The following C5 variants were observed in gnomAD, a reference collection of about 807,000 sequenced individuals.
C5 encodes the protein C3 and PZP-like alpha-2-macroglobulin domain-containing protein 4.
A neutral mutation model predicts 218.8 loss-of-function variants in C5; 140 were observed. The ratio of observed to expected loss-of-function variants is 0.64; its 90% CI spans 0.56 to 0.74. C5 has a LOEUF of 0.74. Ranked by LOEUF, C5 falls within the 30% of genes least tolerant of loss-of-function variation. The pLI is 0.00. For missense variants in C5, 1,700 were observed against 1,969.6 expected, an observed-to-expected ratio of 0.86 and a Z score of 2.59; for synonymous variants, 614 against 682.3, an observed-to-expected ratio of 0.90 and a Z score of 1.56.
chr9:121,066,613 G>A, the C5 span, among the ~76,000 whole-genome samples: 3 of 151,882 alleles, frequency 2.0e-5, no homozygotes, highest in Admixed American at 2.0e-4. Context: ...GGGAGGCTGA[G>A]GTGGACAGAT....
At chr9:120,964,645 T>G (rs1468878822) in intron 33 of C5, among the ~76,000 whole-genome samples, 1 of 152,210 alleles carries the variant, frequency 6.6e-6, no homozygotes, top group Non-Finnish European at 1.5e-5. Flanking sequence ...ATTCTGCTAG[T>G]AGGAATTTAA....
At chr9:121,008,624 T>A in intron 17 of C5, 126 bp from the exon 18 acceptor site, 2 of 742,494 alleles carry the variant, frequency 2.7e-6, no homozygotes, top group Non-Finnish European at 4.6e-6. Context: ...ACATTTTGTT[T>A]AATGCTTCCA....
intron 25 of C5, among the ~76,000 whole-genome samples, chr9:120,983,554 G>T (rs1445978266): frequency 6.6e-6 from 1 of 152,070 alleles, no homozygotes; most frequent in Non-Finnish European, 1.5e-5. Flanking sequence ...TTTTTTAAAT[G>T]TATTTTAAGC....
At chr9:121,030,373 C>T in intron 7 of C5, 24 bp downstream of exon 7, 2 of 1,249,208 alleles carry the variant, frequency 1.6e-6, no homozygotes, top group Middle Eastern at 2.0e-4. Context: ...AAAATAAAAA[C>T]AACAAAAAAA....
chr9:121,006,858 T>C (rs1356351732), intron 19 of C5, 46 bp downstream of exon 19: 9 of 1,226,174 alleles, frequency 7.3e-6, no homozygotes, highest in Admixed American at 1.7e-5. Flanking sequence ...TACATCTTGC[T>C]AATCAAATCA....
chr9:121,011,534 T>C (rs563361983), intron 17 of C5, among the ~76,000 whole-genome samples: 17 of 87,680 alleles, frequency 1.9e-4, no homozygotes, highest in Non-Finnish European at 2.7e-4. Context: ...GTGGGGAATG[T>C]AAATTACTAT....
Position 120,967,550 on chromosome 9 carries a change from A to G in C5, c.4220+1511T>C, listed in dbSNP as rs2046877881. ...ATCCACAGATATCACTGTTATTGACAATACAAGAGTTAAGAAAATAGAACA... is the reference window on the plus strand; with the variant it reads ...ATCCACAGATATCACTGTTATTGACGATACAAGAGTTAAGAAAATAGAACA... On this transcript the variant is annotated intron_variant, in intron 33 of 40. Transcript: ENST00000223642. Among the ~76,000 whole-genome samples, 3 of 152,196 alleles carry G rather than the reference A, an allele frequency of 2.0e-5. No homozygotes were observed. The South Asian group carries it at 6.2e-4, about 32-fold the overall frequency.
rs2047074265 is a variant in C5, at chr9:120,991,177, A to G, written c.2941+14T>C. On this transcript the variant is annotated intron_variant, in intron 23 of 40. Coordinates refer to ENST00000223642, the MANE Select transcript of C5 (RefSeq NM_001735.3). ...AAGTGAAATGAGAAATAAAAATGGC[A>G]TTTGTTAATTTACCTTTTACACTCA... 1 of 1,427,032 alleles carries G rather than the reference A, an allele frequency of 7.0e-7. No homozygotes were observed. The highest frequency in any genetic ancestry group is 9.9e-7 in the Non-Finnish European group (1 of 1,009,838). The allele number at this position is 1,427,032 out of a possible 1,614,324, so 88.4% of individuals were successfully genotyped here. A position where few individuals can be genotyped will look rare whatever the true frequency, so the allele number is the denominator to read the frequency against.
upstream of C5, among the ~76,000 whole-genome samples, chr9:121,050,715 C>CT (rs1274144232): frequency 6.6e-6 from 1 of 152,106 alleles, no homozygotes; most frequent in Non-Finnish European, 1.5e-5. Flanking sequence ...ACAAGATGAT[C>CT]TTTTTTTGGT....
chr9:121,015,384 G>A (rs2047298825), intron 15 of C5, 123 bp from the exon 16 acceptor site: 3 of 670,354 alleles, frequency 4.5e-6, no homozygotes. Flanking sequence ...CAAATATTGA[G>A]GGGCTGCTTT....
chr9:121,012,218 G>A (rs551370101), intron 17 of C5, among the ~76,000 whole-genome samples: 9 of 151,506 alleles, frequency 5.9e-5, no homozygotes, highest in South Asian at 2.1e-4. Context: ...AAAGTATCTC[G>A]TGTACCCCGT....
chr9:120,997,443 C>T, intron 21 of C5, 104 bp downstream of exon 21: 1 of 904,032 alleles, frequency 1.1e-6, no homozygotes, highest in East Asian at 2.6e-5. Flanking sequence ...TTCCTTAATG[C>T]TTAATGTTTC....
chr9:120,977,752 A>G (rs1340666129), intron 28 of C5, among the ~76,000 whole-genome samples: 1 of 152,218 alleles, frequency 6.6e-6, no homozygotes. Context: ...CATAGTACAC[A>G]TGTACTAGGA....
At chr9:121,018,646 G>GGAAAGAGAGAAAGAAAA (rs2047331945) in intron 12 of C5, among the ~76,000 whole-genome samples, 1 of 73,490 alleles carries the variant, frequency 1.4e-5, no homozygotes, top group Non-Finnish European at 2.6e-5. Flanking sequence ...AGGGAGGGAG[G>GGAAAGAGAGAAAGAAAA]GAAAGAAAGA....
intron 26 of C5, 112 bp from the exon 27 acceptor site, chr9:120,982,051 A>ACCCAAG: frequency 2.6e-6 from 2 of 763,502 alleles, no homozygotes; most frequent in Non-Finnish European, 4.6e-6. Flanking sequence ...TCACTCTGTC[A>ACCCAAG]CCCAAGCTGG....
At position 121,017,727 on chromosome 9, in the gene C5, G is replaced by C; in HGVS notation, c.1632C>G (p.Tyr544Ter). The C allele has an allele frequency of 6.2e-7, 1 of 1,612,652 alleles. No individual in the cohort carries two copies. Residue 544 changes from tyrosine to a stop codon, truncating the protein, a stop_gained, in exon 13 of 41, where the codon TAC becomes TAG. Transcript: ENST00000223642. LOFTEE classifies it high-confidence loss of function. Reference protein sequence around the residue: ...MVPSSRLLVYYIVTGEQTAEL... With the variant: ...MVPSSRLLVY ...CTGCTGTCTGTTCTCCTGTGACGAT[G>C]TAATAGACCAGAAGTCGGGATGAAG...
intron 33 of C5, among the ~76,000 whole-genome samples, chr9:120,967,259 C>CA (rs755173508): frequency 0.13 from 9,506 of 73,796 alleles, 1,086 homozygotes; most frequent in African/African-American, 0.3. Flanking sequence ...AACTCCATCT[C>CA]AAAAAAAAAA....
chr9:120,981,868 C>T lies in C5; in HGVS notation c.3462G>A (p.Lys1154=). The T allele has an allele frequency of 1.9e-6, 3 of 1,613,708 alleles. No homozygotes were observed. Among genetic ancestry groups the T allele is most frequent in the East Asian group, 2.2e-5 (1 of 44,874 alleles). Reference sequence around the variant, plus strand: ...CCACCAGGGGGCATATATCGAAAGCCTTTCTAATTCCAATCACAGTAAAGG... The same window carrying T: ...CCACCAGGGGGCATATATCGAAAGCTTTTCTAATTCCAATCACAGTAAAGG... The part of the protein sequence containing the change: ...LTAFTVIGIR[K]AFDICPLVKI... The change falls in exon 27 of 41, where the codon AAG becomes AAA. Residue 1154 remains lysine, a synonymous_variant. Coordinates refer to ENST00000223642, the MANE Select transcript of C5 (RefSeq NM_001735.3).
In C5 at chr9:121,015,239, G is replaced by A; in HGVS notation, c.2019C>T (p.Leu673=). 1 of 1,605,834 alleles carries A rather than the reference G, an allele frequency of 6.2e-7. No individual in the cohort carries two copies. The highest frequency in any genetic ancestry group is 8.5e-7 in the Non-Finnish European group (1 of 1,174,104). The change falls in exon 16 of 41, where the codon CTC becomes CTT. Residue 673 remains leucine (L), a synonymous_variant. Transcript: ENST00000223642. The stretch of plus-strand genomic sequence containing the variant: ...TCTTTTGCAGCGTTCTTCTTGGCCT[G>A]AGAATTTCTTTACAAGGTTCATCTG... ...QENDEPCKEI[L]RPRRTLQKKI...
Sources: gnomAD v4.1 joint callset for allele counts (sites outside exome capture counted in the v4.1 genomes callset) on GRCh38, gnomAD v4.1.1 for gene constraint, MANE v1.5 for transcripts, NCBI Gene and HGNC (gene_info 2026-07-23, HGNC 2026-07-21) for gene names.